The following FCHO2 variants were observed in gnomAD, a reference collection of about 807,000 sequenced individuals.
The protein encoded by FCHO2 is F-BAR domain only protein 2.
In FCHO2, 43 loss-of-function variants were observed where a neutral mutation model predicts 114.1. That is an observed-to-expected ratio of 0.38 (90% confidence interval 0.30 to 0.49). The LOEUF is 0.49. Among genes scored for constraint, FCHO2 ranks in the 20% least tolerant of loss-of-function variants. FCHO2 has a pLI of 0.97. For synonymous variants in FCHO2, 293 were observed against 315.2 expected (o/e 0.93, Z 0.75); for missense variants, 807 against 950.4 (o/e 0.85, Z 1.98).
At chr5:73,071,112 T>A (rs751925130) in intron 19 of FCHO2, among the ~76,000 whole-genome samples, 9 of 152,040 alleles carry the variant, frequency 5.9e-5, no homozygotes, top group Non-Finnish European at 1.3e-4. Flanking sequence ...TCCATCAAAT[T>A]GCTGTACAGG....
chr5:73,046,174 T>G (rs1757045245), intron 11 of FCHO2, among the ~76,000 whole-genome samples: 1 of 152,154 alleles, frequency 6.6e-6, no homozygotes, highest in Non-Finnish European at 1.5e-5. Context: ...AAGTGATCCT[T>G]CCTGCCTGAG....
At chr5:73,082,866 C>A in intron 24 of FCHO2, 41 bp downstream of exon 24, 2 of 1,453,654 alleles carry the variant, frequency 1.4e-6, no homozygotes, top group Non-Finnish European at 9.3e-7. Flanking sequence ...AATGATGTCA[C>A]TGAAAATTGA....
At chr5:73,024,855 T>C (rs1021158302) in intron 8 of FCHO2, among the ~76,000 whole-genome samples, 2 of 152,302 alleles carry the variant, frequency 1.3e-5, no homozygotes, top group South Asian at 4.1e-4. Context: ...TTAATAAATA[T>C]TGTTTTCAAA....
At chr5:72,991,512 G>T (rs958594066) in intron 5 of FCHO2, among the ~76,000 whole-genome samples, 1 of 152,220 alleles carries the variant, frequency 6.6e-6, no homozygotes. Flanking sequence ...GATACAGGTA[G>T]GTACTTGCAC....
At chr5:73,074,170 A>C (rs1169568626) in intron 19 of FCHO2, among the ~76,000 whole-genome samples, 1 of 151,006 alleles carries the variant, frequency 6.6e-6, no homozygotes, top group Non-Finnish European at 1.5e-5. Context: ...ATCTGAGTGA[A>C]CTTTGGCCAG....
intron 5 of FCHO2, among the ~76,000 whole-genome samples, chr5:73,001,471 AGAAAT>A (rs1754434839): frequency 6.9e-6 from 1 of 144,928 alleles, no homozygotes; most frequent in Admixed American, 6.8e-5. Context: ...AAAAAAAAAA[AGAAAT>A]GAAAAGAAAT....
chr5:73,050,271 C>T (rs1757278728), intron 11 of FCHO2, among the ~76,000 whole-genome samples: 1 of 151,576 alleles, frequency 6.6e-6, no homozygotes, highest in African/African-American at 2.4e-5. Flanking sequence ...CCTTCCCTCC[C>T]TCCCTCTCTG....
rs549213888 is a variant in FCHO2, at chr5:73,002,995, GT to G, written c.496-3446del. Among the ~76,000 whole-genome samples the G allele has an allele frequency of 3.1e-3, 472 of 152,118 alleles. 1 individual carries two copies. Among genetic ancestry groups the G allele is most frequent in the African/African-American group, 9.3e-3 (388 of 41,524 alleles). On this transcript the variant is annotated intron_variant, in intron 5 of 25. Transcript: ENST00000430046. ...TAATTTATTTCACACAATCTTTCCC[GT>G]TTTATTTTTATGATATTTGTTTTTT...
At chr5:72,969,587 TC>T (rs2112606388) in intron 2 of FCHO2, among the ~76,000 whole-genome samples, 1 of 152,280 alleles carries the variant, frequency 6.6e-6, no homozygotes, top group East Asian at 1.9e-4. Flanking sequence ...CCCCTACACT[TC>T]ACTACTATCA....
At chr5:73,079,099 A>C (rs767824353) in intron 22 of FCHO2, among the ~76,000 whole-genome samples, 25 of 152,212 alleles carry the variant, frequency 1.6e-4, no homozygotes, top group Non-Finnish European at 3.4e-4. Flanking sequence ...AGAATAAGTC[A>C]AGAATTTTTT....
chr5:72,963,476 A>T (rs111909454), intron 1 of FCHO2, among the ~76,000 whole-genome samples: 35 of 152,246 alleles, frequency 2.3e-4, no homozygotes, highest in African/African-American at 7.0e-4. Context: ...TTTTCAGTTG[A>T]TATTACCATC....
chr5:72,972,803 GT>G (rs1752635975), intron 2 of FCHO2, among the ~76,000 whole-genome samples: 1 of 152,032 alleles, frequency 6.6e-6, no homozygotes, highest in Admixed American at 6.6e-5. Flanking sequence ...AATGCTTCCA[GT>G]TTTTGCCCAT....
chr5:73,063,442 A>G lies in FCHO2; in HGVS notation c.1346-399A>G, dbSNP rs561523114. On this transcript the variant is annotated intron_variant, in intron 17 of 25. Coordinates refer to ENST00000430046, the MANE Select transcript of FCHO2 (RefSeq NM_138782.3). Reference sequence around the variant, plus strand: ...TATTTTATTTAGAGTTTACAATATTATTCTGGAGGTACAGCTTCAAAGGCT... The same window carrying G: ...TATTTTATTTAGAGTTTACAATATTGTTCTGGAGGTACAGCTTCAAAGGCT... Among the ~76,000 whole-genome samples the G allele has an allele frequency of 2.0e-5, 3 of 152,194 alleles. No individual in the cohort carries two copies. In the South Asian group the frequency reaches 6.2e-4, roughly 32 times the overall value.
At chr5:73,020,719 AT>A in intron 8 of FCHO2, 3 of 1,201,654 alleles carry the variant, frequency 2.5e-6, no homozygotes, top group Non-Finnish European at 3.7e-6. Context: ...TTGGATGCTC[AT>A]TTTCTGTTCT....
chr5:73,018,041 T>TA (rs1301065622), intron 8 of FCHO2, among the ~76,000 whole-genome samples: 2 of 152,150 alleles, frequency 1.3e-5, no homozygotes, highest in East Asian at 1.9e-4. Flanking sequence ...TCTTGCAAGA[T>TA]ACATGTTTCA....
At chr5:73,032,427 T>G (rs965400555) in intron 8 of FCHO2, among the ~76,000 whole-genome samples, 4 of 152,160 alleles carry the variant, frequency 2.6e-5, no homozygotes, top group African/African-American at 9.7e-5. Flanking sequence ...AAGAGGATGT[T>G]TAGAAAACAT....
rs138870945 is a variant in FCHO2 at position 73,057,791 on chromosome 5, T to A, written c.1254-642T>A. 6.6e-3 allele frequency among the ~76,000 whole-genome samples: 1,004 copies of A among 152,282 alleles called. 4 individuals carry two copies. Among genetic ancestry groups the A allele is most frequent in the Non-Finnish European group, 0.011 (761 of 68,020 alleles). On this transcript the variant is annotated intron_variant, in intron 16 of 25. Coordinates refer to ENST00000430046, the MANE Select transcript of FCHO2 (RefSeq NM_138782.3). ...GGCAGTTCATTTAGACGTGTGCTGC[T>A]CTTTTTTATTTGTAAAGCTGAAATT...
intron 2 of FCHO2, among the ~76,000 whole-genome samples, chr5:72,971,475 G>C (rs920619825): frequency 2.0e-5 from 3 of 152,308 alleles, no homozygotes; most frequent in South Asian, 4.1e-4. Flanking sequence ...TTTTTCATGT[G>C]TTTTTTGGCT....
At chr5:72,959,393 A>G (rs1411251004) in intron 1 of FCHO2, among the ~76,000 whole-genome samples, 1 of 152,112 alleles carries the variant, frequency 6.6e-6, no homozygotes, top group Non-Finnish European at 1.5e-5. Context: ...CTGTAGTCCC[A>G]GCTACTTGGA....
Sources: gnomAD v4.1 joint callset for allele counts (sites outside exome capture counted in the v4.1 genomes callset) on GRCh38, gnomAD v4.1.1 for gene constraint, MANE v1.5 for transcripts, NCBI Gene and HGNC (gene_info 2026-07-23, HGNC 2026-07-21) for gene names.